Variants in LMBRD1 observed in about 807,000 individuals in gnomAD.
LMBRD1 encodes lysosomal cobalamin transport escort protein LMBD1.
In LMBRD1, 64 loss-of-function variants were observed where a neutral mutation model predicts 74.8. That is an observed-to-expected ratio of 0.86 (90% CI 0.70 to 1.05). The LOEUF (loss-of-function observed/expected upper bound fraction) is 1.05, where lower values mean the gene tolerates loss of function less well. Ranked by LOEUF, LMBRD1 falls within the 50% of genes least tolerant of loss-of-function variation. The pLI is 0.00. For synonymous variants in LMBRD1, 204 were observed against 216.3 expected (o/e 0.94, Z 0.50); for missense variants, 652 against 645.9 (o/e 1.01, Z -0.10).
chr6:69,768,613 A>T (rs1414374081), intron 3 of LMBRD1, among the ~76,000 whole-genome samples: 1 of 152,038 alleles, frequency 6.6e-6, no homozygotes, highest in African/African-American at 2.4e-5. Flanking sequence ...TTACAAAGAT[A>T]AGAAAAGGAG....
rs1765931505 is a variant in LMBRD1 at position 69,785,769 on chromosome 6, A to G, written c.246+4527T>C. 2.0e-5 allele frequency among the ~76,000 whole-genome samples: 3 copies of G among 152,232 alleles called. No homozygotes were observed. In the South Asian group the frequency reaches 6.2e-4, roughly 32 times the overall value. On this transcript the variant is annotated intron_variant, in intron 2 of 15. Transcript: ENST00000649934. ...TAGGAGAAAATCTAAACTTATTAAT[A>G]TGACTTAAAAGTCATGAACAGTCTG... is the stretch of plus-strand genomic sequence containing the variant.
intron 9 of LMBRD1, among the ~76,000 whole-genome samples, chr6:69,709,009 C>G (rs377631149): frequency 6.6e-6 from 1 of 152,008 alleles, no homozygotes; most frequent in Non-Finnish European, 1.5e-5. Flanking sequence ...CTGAGGCAGG[C>G]AGATCGCCTG....
intron 3 of LMBRD1, among the ~76,000 whole-genome samples, chr6:69,773,576 C>A (rs1163051961): frequency 1.3e-5 from 2 of 152,118 alleles, no homozygotes; most frequent in African/African-American, 4.8e-5. Flanking sequence ...CCATCTTATT[C>A]TCCCTTAGTT....
chr6:69,772,695 G>C (rs1765600655), intron 3 of LMBRD1, among the ~76,000 whole-genome samples: 1 of 152,050 alleles, frequency 6.6e-6, no homozygotes, highest in Admixed American at 6.5e-5. Context: ...TATCAAACAA[G>C]ATTTTGTAAA....
rs74909425 is a variant in LMBRD1, at chr6:69,685,043, A to G, written c.1418-8502T>C. Among the ~76,000 whole-genome samples the G allele has an allele frequency of 4.3e-3, 651 of 152,294 alleles. 8 individuals are homozygous for G. The highest frequency in any genetic ancestry group is 0.015 in the African/African-American group (615 of 41,566). ...CATTTCTATAAAAAGTAGAATAGAG[A>G]TAAGATATATGAAGACTATACATTG... On this transcript the variant is annotated intron_variant, in intron 14 of 15. Coordinates refer to ENST00000649934, the MANE Select transcript of LMBRD1 (RefSeq NM_018368.4).
At chr6:69,744,509 C>T (rs1203442140) in intron 5 of LMBRD1, among the ~76,000 whole-genome samples, 1 of 152,176 alleles carries the variant, frequency 6.6e-6, no homozygotes, top group East Asian at 1.9e-4. Flanking sequence ...CCTACCCAAT[C>T]TGATTCACTG....
At chr6:69,735,501 C>T (rs1766957678) in intron 7 of LMBRD1, among the ~76,000 whole-genome samples, 1 of 150,742 alleles carries the variant, frequency 6.6e-6, no homozygotes, top group Admixed American at 6.6e-5. Context: ...AAGTGAAGTT[C>T]TTTTAAGGAT....
chr6:69,763,967 G>C (rs571619754), intron 3 of LMBRD1, among the ~76,000 whole-genome samples: 2 of 152,236 alleles, frequency 1.3e-5, no homozygotes, highest in East Asian at 3.9e-4. Context: ...TTATGACTCA[G>C]GATAAATTTT....
At chr6:69,780,025 T>G (rs1765794081) in intron 3 of LMBRD1, among the ~76,000 whole-genome samples, 1 of 152,068 alleles carries the variant, frequency 6.6e-6, no homozygotes, top group South Asian at 2.1e-4. Flanking sequence ...CCCCACATGT[T>G]CCTGGCGACA....
chr6:69,686,250 G>A (rs141571831), intron 14 of LMBRD1, among the ~76,000 whole-genome samples: 74 of 152,086 alleles, frequency 4.9e-4, no homozygotes, highest in African/African-American at 1.5e-3. Context: ...AATAATTCTC[G>A]TTTAGAGTTC....
intron 5 of LMBRD1, among the ~76,000 whole-genome samples, chr6:69,743,103 C>T (rs900730449): frequency 6.6e-6 from 1 of 152,120 alleles, no homozygotes; most frequent in African/African-American, 2.4e-5. Context: ...GTATATTACA[C>T]ATCCATAACA....
At chr6:69,787,876 AT>A (rs982657461) in intron 2 of LMBRD1, among the ~76,000 whole-genome samples, 96 of 151,920 alleles carry the variant, frequency 6.3e-4, no homozygotes, top group East Asian at 3.8e-4. Context: ...CTACAGCCAT[AT>A]TTTTTTTCTT....
intron 9 of LMBRD1, among the ~76,000 whole-genome samples, chr6:69,708,105 G>T (rs1457499): frequency 0.48 from 73,252 of 151,892 alleles, 18,334 homozygotes; most frequent in African/African-American, 0.61. Context: ...TAATGATCTA[G>T]AAGTTACCCA....
At chr6:69,732,773 A>G (rs991298462) in intron 7 of LMBRD1, among the ~76,000 whole-genome samples, 1 of 152,192 alleles carries the variant, frequency 6.6e-6, no homozygotes, top group Non-Finnish European at 1.5e-5. Context: ...CACTGCTTCT[A>G]TAGGCAGTTC....
intron 8 of LMBRD1, among the ~76,000 whole-genome samples, chr6:69,714,603 G>A (rs1300042363): frequency 2.0e-5 from 3 of 152,134 alleles, no homozygotes; most frequent in South Asian, 4.1e-4. Context: ...TTTTTAAAGT[G>A]TAGATATATT....
At chr6:69,780,390 C>A in intron 3 of LMBRD1, 104 bp downstream of exon 3, 1 of 839,258 alleles carries the variant, frequency 1.2e-6, no homozygotes, top group Non-Finnish European at 2.1e-6. Flanking sequence ...TCATTTTTTT[C>A]TAATTCGACC....
At chr6:69,716,864 A>G (rs200754855) in intron 8 of LMBRD1, among the ~76,000 whole-genome samples, 2 of 68,386 alleles carry the variant, frequency 2.9e-5, no homozygotes, top group Non-Finnish European at 8.3e-5. Flanking sequence ...TTAAACTTTA[A>G]TTATTAAATA....
chr6:69,701,386 A>G, intron 11 of LMBRD1, 57 bp downstream of exon 11: 1 of 981,558 alleles, frequency 1.0e-6, no homozygotes, highest in African/African-American at 1.6e-5. Flanking sequence ...TGTTTGCTAG[A>G]CTCTAGCATT....
At chr6:69,769,464 T>C (rs76799989) in intron 3 of LMBRD1, among the ~76,000 whole-genome samples, 104 of 152,336 alleles carry the variant, frequency 6.8e-4, no homozygotes, top group African/African-American at 2.4e-3. Context: ...TTGAAGTCTT[T>C]GTCTGCTAAA....
Sources: gnomAD v4.1 joint callset for allele counts (sites outside exome capture counted in the v4.1 genomes callset) on GRCh38, gnomAD v4.1.1 for gene constraint, MANE v1.5 for transcripts, NCBI Gene and HGNC (gene_info 2026-07-23, HGNC 2026-07-21) for gene names.